RBM25: variants seen among roughly 807,000 people sequenced by gnomAD.
The protein encoded by RBM25 is RNA binding motif protein 25.
RBM25 carries 19 observed loss-of-function variants against 120.7 expected under a neutral mutation model. The observed-to-expected ratio is 0.16, with a 90% CI of 0.11 to 0.23. The LOEUF (loss-of-function observed/expected upper bound fraction) is 0.23. RBM25 is among the 10% of genes least tolerant of loss of function. The probability of loss-of-function intolerance (pLI) is 1.00; values close to 1 mark genes in which losing one functional copy is unlikely to be tolerated. For missense variants in RBM25, 605 were observed against 1,041.5 expected (o/e 0.58, Z 5.77); for synonymous variants, 390 against 326.7 (o/e 1.19, Z -2.09).
At chr14:73,109,121 G>T in intron 13 of RBM25, 1 of 327,702 alleles carries the variant, frequency 3.1e-6, no homozygotes. Context: ...ATGACTTTAA[G>T]AATGAAGGGA....
At chr14:73,079,162 C>T (rs1895497684) in intron 4 of RBM25, among the ~76,000 whole-genome samples, 1 of 149,858 alleles carries the variant, frequency 6.7e-6, no homozygotes, top group African/African-American at 2.4e-5. Flanking sequence ...GTGTCTCACA[C>T]CTGTAATCCC....
intron 4 of RBM25, among the ~76,000 whole-genome samples, chr14:73,078,022 G>T (rs533888641): frequency 6.6e-6 from 1 of 152,096 alleles, no homozygotes; most frequent in African/African-American, 2.4e-5. Context: ...AAATAATAGG[G>T]CCAGATGCAG....
At chr14:73,081,775 C>T (rs556966381) in intron 4 of RBM25, among the ~76,000 whole-genome samples, 4 of 152,230 alleles carry the variant, frequency 2.6e-5, no homozygotes, top group African/African-American at 9.6e-5. Context: ...GCTGCCTTAT[C>T]GTGTTATAGC....
intron 18 of RBM25, among the ~76,000 whole-genome samples, chr14:73,117,187 T>A (rs1266277454): frequency 6.7e-6 from 1 of 149,286 alleles, no homozygotes; most frequent in Admixed American, 6.7e-5. Flanking sequence ...GAAATTTCTT[T>A]CTTTTAATTT....
intron 1 of RBM25, among the ~76,000 whole-genome samples, chr14:73,070,670 C>T (rs758159813): frequency 3.3e-5 from 5 of 151,988 alleles, no homozygotes; most frequent in South Asian, 2.1e-4. Context: ...AAAAATGGGC[C>T]GGGCGCGGTG....
At chr14:73,114,379 G>T in intron 18 of RBM25, 46 bp downstream of exon 18, 2 of 1,439,138 alleles carry the variant, frequency 1.4e-6, no homozygotes, top group African/African-American at 1.4e-5. Flanking sequence ...TTTAAAAAAA[G>T]TTTTTGGTTT....
At chr14:73,089,816 G>A (rs879505156) in intron 6 of RBM25, among the ~76,000 whole-genome samples, 2 of 151,284 alleles carry the variant, frequency 1.3e-5, no homozygotes, top group Non-Finnish European at 2.9e-5. Flanking sequence ...ACAGGTGTCC[G>A]CCACCAGGCT....
intron 6 of RBM25, among the ~76,000 whole-genome samples, chr14:73,094,716 C>T (rs1048814629): frequency 1.2e-4 from 18 of 151,912 alleles, no homozygotes; most frequent in Non-Finnish European, 2.4e-4. Context: ...TTAGTAGAGA[C>T]GGGGTTTCAC....
chr14:73,094,839 G>C lies in RBM25; in HGVS notation c.544-2076G>C, dbSNP rs112529944. ...TGTGTGTGTGTGTGTGTGTGTGTGT[G>C]TGTCTGTGTGTGTGTGTGTGTTTTT... On this transcript the variant is annotated intron_variant, in intron 6 of 18. Transcript: ENST00000261973. 3.6e-3 allele frequency among the ~76,000 whole-genome samples: 395 copies of C among 108,840 alleles called. 1 individual carries two copies. The highest frequency in any genetic ancestry group is 0.011 in the African/African-American group (348 of 32,398). 71.4% of individuals were successfully genotyped at this position (108,840 alleles called of 152,430 possible).
chr14:73,068,542 A>G, intron 1 of RBM25: 1 of 726,572 alleles, frequency 1.4e-6, no homozygotes. Flanking sequence ...ACATTAGATG[A>G]CCAATTCTTT....
intron 7 of RBM25, 90 bp from the exon 8 acceptor site, chr14:73,099,290 A>G (rs1896013512): frequency 3.5e-6 from 4 of 1,148,256 alleles, no homozygotes; most frequent in Admixed American, 4.6e-5. Context: ...TGTATTGTTC[A>G]CGTCATAAAT....
At chr14:73,073,720 T>C (rs1895347810) in intron 2 of RBM25, among the ~76,000 whole-genome samples, 1 of 152,180 alleles carries the variant, frequency 6.6e-6, no homozygotes, top group African/African-American at 2.4e-5. Flanking sequence ...CAACTGTTTA[T>C]GCATGTATAT....
chr14:73,112,262 A>T lies in RBM25; in HGVS notation c.2391+12A>T. 6.4e-7 allele frequency: 1 copy of T among 1,558,600 alleles called. No homozygotes were observed. The highest frequency in any genetic ancestry group is 8.6e-7 in the Non-Finnish European group (1 of 1,161,606). On this transcript the variant is annotated intron_variant, in intron 17 of 18. Transcript: ENST00000261973. ...TTGTTTGTTCTAAGGTTAGTCTTCT[A>T]TTCTCTTCCATGCCAGCATTTATTT...
rs1895849399 is a variant in RBM25, at chr14:73,092,833, C to T, written c.544-4082C>T. 2.0e-5 allele frequency among the ~76,000 whole-genome samples: 3 copies of T among 152,064 alleles called. No individual in the cohort carries two copies. In the South Asian group the frequency reaches 6.2e-4, roughly 32 times the overall value. ...TCTCCTGCTTCGGCCTCCCAAAGTG[C>T]TGGGTTTACAGGCATGAGCCACTGT... On this transcript the variant is annotated intron_variant, in intron 6 of 18. Coordinates refer to ENST00000261973, the MANE Select transcript of RBM25 (RefSeq NM_021239.3).
intron 4 of RBM25, among the ~76,000 whole-genome samples, chr14:73,080,213 CTTTTTTTTTTTTT>C (rs766461418): frequency 3.0e-5 from 2 of 67,196 alleles, no homozygotes; most frequent in African/African-American, 6.3e-5. Flanking sequence ...TCTTACACAT[CTTTTTTTTTTTTT>C]TTTTTTTTTT....
At chr14:73,106,913 A>G (rs1482666118) in intron 12 of RBM25, among the ~76,000 whole-genome samples, 5 of 150,732 alleles carry the variant, frequency 3.3e-5, no homozygotes, top group African/African-American at 4.9e-5. Context: ...GCTCACTGCA[A>G]CCTTCTCCTC....
chr14:73,123,626 T>C lies in RBM25; in HGVS notation c.*3821T>C, dbSNP rs537712954. On this transcript the variant is annotated 3_prime_UTR_variant, in exon 19 of 19. Transcript: ENST00000261973. ...ATACCAAACCCAGGAGCTACTAATA[T>C]AACAATCATACTATAGAGCGAAGTG... The C allele has an allele frequency of 6.6e-6, 1 of 152,208 alleles. No homozygotes were observed. The highest frequency in any genetic ancestry group is 1.5e-5 in the Non-Finnish European group (1 of 68,028). 9.4% of individuals were successfully genotyped at this position (152,208 alleles called of 1,614,324 possible).
intron 6 of RBM25, among the ~76,000 whole-genome samples, chr14:73,090,125 A>G (rs972093928): frequency 1.3e-5 from 2 of 151,552 alleles, no homozygotes; most frequent in East Asian, 1.9e-4. Flanking sequence ...ATCTTGGCTC[A>G]CTGCAACCTC....
rs1248619847 is a variant in RBM25, at chr14:73,121,542, A to C, written c.*1737A>C. On this transcript the variant is annotated 3_prime_UTR_variant, in exon 19 of 19. Coordinates refer to ENST00000261973, the MANE Select transcript of RBM25 (RefSeq NM_021239.3). ...TTTAAATTCTGGTTTCTCAACGGAA[A>C]ATTTCAGAAAAGATGCCCCTTGCCA... 6.6e-6 allele frequency: 1 copy of C among 152,188 alleles called. No individual in the cohort carries two copies. 9.4% of individuals were successfully genotyped at this position (152,188 alleles called of 1,614,324 possible).
Sources: allele counts gnomAD v4.1 joint callset (sites outside exome capture counted in the v4.1 genomes callset), GRCh38; gene constraint gnomAD v4.1.1; transcripts MANE v1.5; gene names NCBI Gene and HGNC (gene_info 2026-07-23, HGNC 2026-07-21).